The following STXBP5L variants were observed in gnomAD, a reference collection of about 807,000 sequenced individuals.
STXBP5L encodes the protein syntaxin-binding protein 5-like.
In STXBP5L, 65 loss-of-function variants were observed where a neutral mutation model predicts 144.5. That is an observed-to-expected ratio of 0.45 (90% CI 0.37 to 0.55). The LOEUF (loss-of-function observed/expected upper bound fraction) is 0.55. Ranked by LOEUF, STXBP5L falls within the 20% of genes least tolerant of loss-of-function variation. The pLI is 0.00. For synonymous variants in STXBP5L, 505 were observed against 469.6 expected, an observed-to-expected ratio of 1.08 and a Z score of -0.97; for missense variants, 1,298 against 1,405.5, an observed-to-expected ratio of 0.92 and a Z score of 1.22.
intron 3 of STXBP5L, among the ~76,000 whole-genome samples, chr3:121,015,534 T>A (rs183520531): frequency 6.6e-5 from 10 of 152,240 alleles, no homozygotes; most frequent in African/African-American, 2.2e-4. Flanking sequence ...GGGTGCTGAA[T>A]GTGGGACTAG....
At chr3:121,303,143 G>C (rs1354652142) in intron 19 of STXBP5L, among the ~76,000 whole-genome samples, 4 of 152,032 alleles carry the variant, frequency 2.6e-5, no homozygotes, top group Non-Finnish European at 5.9e-5. Flanking sequence ...CTGACAAAGG[G>C]CTAATATCCA....
At chr3:121,013,672 T>G (rs2108153108) in intron 3 of STXBP5L, among the ~76,000 whole-genome samples, 1 of 152,168 alleles carries the variant, frequency 6.6e-6, no homozygotes, top group East Asian at 1.9e-4. Context: ...TTTAGTTCAA[T>G]TAGGTCCCAA....
intron 20 of STXBP5L, among the ~76,000 whole-genome samples, chr3:121,342,819 GTCTT>G (rs2044773284): frequency 6.8e-6 from 1 of 147,782 alleles, no homozygotes; most frequent in Non-Finnish European, 1.5e-5. Context: ...ATGTGCATGT[GTCTT>G]TATAGCAGCA....
At chr3:121,110,570 C>T (rs1251884218) in intron 5 of STXBP5L, among the ~76,000 whole-genome samples, 4 of 152,070 alleles carry the variant, frequency 2.6e-5, no homozygotes, top group Non-Finnish European at 5.9e-5. Flanking sequence ...TCTTTTTTGG[C>T]TTGTAGGGTT....
At chr3:121,401,991 A>C (rs1378081823) in intron 22 of STXBP5L, among the ~76,000 whole-genome samples, 3 of 152,198 alleles carry the variant, frequency 2.0e-5, no homozygotes, top group Non-Finnish European at 4.4e-5. Flanking sequence ...TTGAAGACAA[A>C]AAGTGGTCAG....
chr3:121,036,104 G>A (rs1276680786), intron 3 of STXBP5L, among the ~76,000 whole-genome samples: 1 of 152,056 alleles, frequency 6.6e-6, no homozygotes, highest in Non-Finnish European at 1.5e-5. Context: ...CGGCTGAGGT[G>A]GGCAGATCAC....
intron 2 of STXBP5L, among the ~76,000 whole-genome samples, chr3:120,932,689 A>G (rs957791236): frequency 6.6e-6 from 1 of 152,192 alleles, no homozygotes; most frequent in Non-Finnish European, 1.5e-5. Flanking sequence ...CAGCAATCCC[A>G]TTACTGGGTA....
chr3:120,989,444 G>A (rs900412788), intron 3 of STXBP5L, among the ~76,000 whole-genome samples: 5 of 152,118 alleles, frequency 3.3e-5, no homozygotes, highest in South Asian at 2.1e-4. Context: ...TTTGCAAAAT[G>A]TCTGTTCATG....
chr3:120,974,012 G>A (rs1234524656), intron 3 of STXBP5L, among the ~76,000 whole-genome samples: 2 of 152,140 alleles, frequency 1.3e-5, no homozygotes, highest in Non-Finnish European at 2.9e-5. Flanking sequence ...ACGTGTGCAT[G>A]TGTCTTTATA....
chr3:121,009,470 G>A (rs1036184995), intron 3 of STXBP5L, among the ~76,000 whole-genome samples: 8 of 152,060 alleles, frequency 5.3e-5, no homozygotes, highest in African/African-American at 1.9e-4. Context: ...TGCTCAGTGG[G>A]AGGAATTCCC....
intron 20 of STXBP5L, among the ~76,000 whole-genome samples, chr3:121,344,256 G>C (rs1450942964): frequency 6.6e-6 from 1 of 152,032 alleles, no homozygotes; most frequent in Non-Finnish European, 1.5e-5. Context: ...ATTCAAGATG[G>C]ATTAAAGACT....
At chr3:121,300,081 T>TAC (rs1165212289) in intron 19 of STXBP5L, among the ~76,000 whole-genome samples, 4 of 150,634 alleles carry the variant, frequency 2.7e-5, no homozygotes, top group African/African-American at 9.8e-5. Context: ...TACAGAAACA[T>TAC]ACACACACAT....
chr3:121,395,139 C>A (rs946372872), intron 22 of STXBP5L, among the ~76,000 whole-genome samples: 1 of 151,958 alleles, frequency 6.6e-6, no homozygotes, highest in Non-Finnish European at 1.5e-5. Flanking sequence ...AGTAAGTAAC[C>A]CTTTAGATGT....
intron 3 of STXBP5L, among the ~76,000 whole-genome samples, chr3:121,013,062 G>A (rs1347492743): frequency 1.3e-5 from 2 of 151,856 alleles, no homozygotes; most frequent in Admixed American, 6.6e-5. Flanking sequence ...ATTGCATGGT[G>A]TATATGTACC....
At chr3:121,313,258 G>T (rs1467373156) in intron 19 of STXBP5L, among the ~76,000 whole-genome samples, 1 of 144,848 alleles carries the variant, frequency 6.9e-6, no homozygotes, top group Non-Finnish European at 1.5e-5. Flanking sequence ...GGCTGGCCGG[G>T]CAGAGGGGCT....
intron 4 of STXBP5L, among the ~76,000 whole-genome samples, chr3:121,043,032 G>T (rs1215242775): frequency 6.6e-6 from 1 of 151,704 alleles, no homozygotes; most frequent in African/African-American, 2.4e-5. Flanking sequence ...TTTGTACTGG[G>T]TCTGATCCTT....
intron 23 of STXBP5L, among the ~76,000 whole-genome samples, chr3:121,411,581 C>T (rs1324284548): frequency 6.6e-6 from 1 of 152,098 alleles, no homozygotes; most frequent in Non-Finnish European, 1.5e-5. Flanking sequence ...TTATCTGCTA[C>T]ATTAGGATAA....
intron 20 of STXBP5L, among the ~76,000 whole-genome samples, chr3:121,328,664 C>A (rs936069643): frequency 1.3e-5 from 2 of 152,010 alleles, no homozygotes; most frequent in East Asian, 3.9e-4. Context: ...GCAGAAGAAT[C>A]GCTTGAACCC....
intron 3 of STXBP5L, among the ~76,000 whole-genome samples, chr3:120,981,635 T>C (rs575490581): frequency 1.3e-5 from 2 of 152,354 alleles, no homozygotes; most frequent in South Asian, 4.1e-4. Flanking sequence ...TTGGATCTTA[T>C]TGAGCTTTCA....
Sources: gnomAD v4.1 joint callset for allele counts (sites outside exome capture counted in the v4.1 genomes callset) on GRCh38, gnomAD v4.1.1 for gene constraint, MANE v1.5 for transcripts, NCBI Gene and HGNC (gene_info 2026-07-23, HGNC 2026-07-21) for gene names.